IMMP2L: variants seen among roughly 807,000 people sequenced by gnomAD.
IMMP2L encodes inner mitochondrial membrane peptidase subunit 2, also known as mitochondrial inner membrane protease subunit 2.
Under a neutral mutation model 19.3 loss-of-function variants are expected in IMMP2L, and 18 were observed. That is an observed-to-expected ratio of 0.93 (90% CI 0.64 to 1.38). IMMP2L has a LOEUF of 1.38. IMMP2L is among the 40% of genes most tolerant of loss of function. IMMP2L has a pLI of 0.00. For synonymous variants in IMMP2L, 76 were observed against 73.0 expected, an observed-to-expected ratio of 1.04 and a Z score of -0.21; for missense variants, 233 against 218.2, an observed-to-expected ratio of 1.07 and a Z score of -0.43.
At chr7:111,490,964 G>A (rs1182080228) in intron 2 of IMMP2L, among the ~76,000 whole-genome samples, 1 of 151,910 alleles carries the variant, frequency 6.6e-6, no homozygotes, top group African/African-American at 2.4e-5. Flanking sequence ...GTTACACTGA[G>A]TGTGCCTGCC....
intron 3 of IMMP2L, among the ~76,000 whole-genome samples, chr7:111,427,574 A>G (rs992176028): frequency 2.0e-5 from 3 of 151,854 alleles, no homozygotes; most frequent in East Asian, 1.9e-4. Flanking sequence ...ATTCGAAGCT[A>G]TAACTTTGAG....
Position 110,847,116 on chromosome 7 carries a change from T to C in IMMP2L, c.408+39477A>G, listed in dbSNP as rs115388805. On this transcript the variant is annotated intron_variant, in intron 5 of 5. Transcript: ENST00000405709. The stretch of plus-strand genomic sequence containing the variant: ...CTCTAACAACACAGCACAAAAAATA[T>C]TGCATGTGAACTATTCAAGCAATGT... Among the ~76,000 whole-genome samples, 764 of 152,300 alleles carry C rather than the reference T, an allele frequency of 5.0e-3. 9 individuals carry two copies. Among genetic ancestry groups the C allele is most frequent in the African/African-American group, 0.018 (734 of 41,572 alleles).
chr7:111,431,674 C>T (rs1836649516), intron 3 of IMMP2L, among the ~76,000 whole-genome samples: 1 of 151,792 alleles, frequency 6.6e-6, no homozygotes, highest in Non-Finnish European at 1.5e-5. Flanking sequence ...AAAGAAGAAA[C>T]AATTTCCTAG....
chr7:111,515,126 T>C (rs1011487952), intron 2 of IMMP2L, among the ~76,000 whole-genome samples: 1 of 152,100 alleles, frequency 6.6e-6, no homozygotes, highest in African/African-American at 2.4e-5. Flanking sequence ...GGATATAATG[T>C]TCATCAAACT....
intron 4 of IMMP2L, among the ~76,000 whole-genome samples, chr7:110,889,367 G>T (rs2129545857): frequency 6.6e-6 from 1 of 152,274 alleles, no homozygotes; most frequent in Non-Finnish European, 1.5e-5. Context: ...CCCTCTGGGG[G>T]TGATGGGAGA....
intron 3 of IMMP2L, among the ~76,000 whole-genome samples, chr7:111,068,527 C>T (rs890582380): frequency 6.6e-6 from 1 of 152,036 alleles, no homozygotes; most frequent in Non-Finnish European, 1.5e-5. Context: ...TGAGAAAAAG[C>T]TCAAGATGTA....
chr7:111,168,509 C>T (rs1219051566), intron 3 of IMMP2L, among the ~76,000 whole-genome samples: 1 of 151,760 alleles, frequency 6.6e-6, no homozygotes, highest in Admixed American at 6.6e-5. Context: ...TGCTGCTAAA[C>T]CAGTTTATAT....
intron 3 of IMMP2L, among the ~76,000 whole-genome samples, chr7:111,310,396 G>A (rs937698502): frequency 4.0e-5 from 6 of 151,860 alleles, no homozygotes; most frequent in African/African-American, 7.3e-5. Flanking sequence ...TAAGGGAAAC[G>A]TAGGGAGACA....
Position 111,436,730 on chromosome 7 carries a change from T to G in IMMP2L, c.239+50508A>C, listed in dbSNP as rs535091574. Among the ~76,000 whole-genome samples, 86 of 152,052 alleles carry G rather than the reference T, an allele frequency of 5.7e-4. 1 individual carries two copies. Among genetic ancestry groups the G allele is most frequent in the African/African-American group, 2.0e-3 (81 of 41,326 alleles). ...CTGTGTTAATCTGTTTGCACTGCTA[T>G]AAAGCAATACCTCAGACTGGGTAAT... On this transcript the variant is annotated intron_variant, in intron 3 of 5. Transcript: ENST00000405709.
chr7:110,929,964 C>T (rs569403452), intron 4 of IMMP2L, among the ~76,000 whole-genome samples: 82 of 152,214 alleles, frequency 5.4e-4, no homozygotes, highest in African/African-American at 1.9e-3. Context: ...ATTAAATACT[C>T]GTTTGTCAAG....
chr7:111,188,886 T>C (rs17441241), intron 3 of IMMP2L, among the ~76,000 whole-genome samples: 6,337 of 152,246 alleles, frequency 0.042, 200 homozygotes, highest in South Asian at 0.081. Flanking sequence ...ATTTCCTACC[T>C]AATATGATCT....
chr7:110,863,176 T>C (rs1807626092), intron 5 of IMMP2L, among the ~76,000 whole-genome samples: 1 of 152,148 alleles, frequency 6.6e-6, no homozygotes, highest in Non-Finnish European at 1.5e-5. Flanking sequence ...ACAGCTCTTG[T>C]CAACCTCCAA....
intron 3 of IMMP2L, among the ~76,000 whole-genome samples, chr7:111,349,196 C>A (rs1014977269): frequency 3.3e-5 from 5 of 152,076 alleles, no homozygotes; most frequent in Non-Finnish European, 7.4e-5. Context: ...ACTTCAATTC[C>A]ATTTTTCACT....
chr7:111,329,404 T>C (rs1448129348), intron 3 of IMMP2L, among the ~76,000 whole-genome samples: 6 of 151,904 alleles, frequency 3.9e-5, no homozygotes, highest in Non-Finnish European at 7.4e-5. Context: ...CTCTCTCATG[T>C]GCTCCTGCCA....
At chr7:110,976,448 T>C (rs1820707709) in intron 3 of IMMP2L, among the ~76,000 whole-genome samples, 1 of 152,104 alleles carries the variant, frequency 6.6e-6, no homozygotes, top group Non-Finnish European at 1.5e-5. Context: ...ACCATTTTCA[T>C]GATTTACACT....
At chr7:111,347,068 A>G (rs1584737743) in intron 3 of IMMP2L, among the ~76,000 whole-genome samples, 1 of 152,276 alleles carries the variant, frequency 6.6e-6, no homozygotes, top group African/African-American at 2.4e-5. Flanking sequence ...AGAGGTGGGA[A>G]AAGGCAGTCT....
chr7:111,253,814 G>C (rs1161832802), intron 3 of IMMP2L, among the ~76,000 whole-genome samples: 1 of 152,126 alleles, frequency 6.6e-6, no homozygotes, highest in African/African-American at 2.4e-5. Context: ...AGCCAGGCAA[G>C]TAATGAAAGT....
rs1373884145 is a variant in IMMP2L, at chr7:111,444,437, T to A, written c.239+42801A>T. 3.9e-5 allele frequency among the ~76,000 whole-genome samples: 6 copies of A among 152,260 alleles called. No homozygotes were observed. The Middle Eastern group carries it at 0.01, about 259-fold the overall frequency. On this transcript the variant is annotated intron_variant, in intron 3 of 5. Transcript: ENST00000405709. ...ACCTCTCAGTGCCATAATTTTCTTA[T>A]CTATAAAATGGGGATAATAACAGTA... is the stretch of plus-strand genomic sequence containing the variant.
intron 3 of IMMP2L, among the ~76,000 whole-genome samples, chr7:111,313,302 G>C (rs1258765015): frequency 6.6e-6 from 1 of 152,022 alleles, no homozygotes; most frequent in Non-Finnish European, 1.5e-5. Flanking sequence ...CCTTGCTTTG[G>C]CTGTACCTAA....
Sources: allele counts gnomAD v4.1 joint callset (sites outside exome capture counted in the v4.1 genomes callset), GRCh38; gene constraint gnomAD v4.1.1; transcripts MANE v1.5; gene names NCBI Gene and HGNC (gene_info 2026-07-23, HGNC 2026-07-21).